TENM4: variants seen among roughly 807,000 people sequenced by gnomAD.
TENM4 encodes the protein teneurin transmembrane protein 4.
TENM4 carries 82 observed loss-of-function variants against 243.3 expected under a neutral mutation model. The observed-to-expected ratio is 0.34, with a 90% CI of 0.28 to 0.40. TENM4 has a LOEUF of 0.40. TENM4 is among the 10% of genes least tolerant of loss of function. TENM4 has a pLI of 1.00. For synonymous variants in TENM4, 1,412 were observed against 1,456.3 expected, an observed-to-expected ratio of 0.97 and a Z score of 0.69; for missense variants, 3,138 against 3,673.3, an observed-to-expected ratio of 0.85 and a Z score of 3.77.
At chr11:78,834,903 C>G (rs1458103868) in intron 12 of TENM4, among the ~76,000 whole-genome samples, 1 of 152,154 alleles carries the variant, frequency 6.6e-6, no homozygotes, top group Non-Finnish European at 1.5e-5. Context: ...CTTTGCTGTA[C>G]CTGGAGGTTT....
chr11:78,901,741 C>A (rs916174640), intron 7 of TENM4, among the ~76,000 whole-genome samples: 2 of 152,126 alleles, frequency 1.3e-5, no homozygotes, highest in African/African-American at 4.8e-5. Context: ...CAGGCTGACA[C>A]ACAATTATCC....
chr11:78,837,053 A>T (rs1298361271), intron 12 of TENM4, among the ~76,000 whole-genome samples: 1 of 152,024 alleles, frequency 6.6e-6, no homozygotes, highest in African/African-American at 2.4e-5. Context: ...CTCTTAGAAA[A>T]TCCTAGCTCT....
chr11:79,144,869 T>C (rs1464556308), intron 4 of TENM4, among the ~76,000 whole-genome samples: 1 of 152,054 alleles, frequency 6.6e-6, no homozygotes, highest in East Asian at 1.9e-4. Context: ...TTTGATAGCA[T>C]AACAGGTTGA....
chr11:78,905,528 C>T (rs1411456452), intron 6 of TENM4, among the ~76,000 whole-genome samples: 5 of 152,168 alleles, frequency 3.3e-5, no homozygotes, highest in Admixed American at 6.5e-5. Context: ...CTCCGGAATC[C>T]GATCCATGTC....
chr11:79,007,724 C>T (rs1048862680), intron 6 of TENM4, among the ~76,000 whole-genome samples: 4 of 152,192 alleles, frequency 2.6e-5, no homozygotes, highest in African/African-American at 9.7e-5. Context: ...CCTTCACAAC[C>T]CCTTTTTCTT....
chr11:78,673,251 G>A (rs1336847165), intron 30 of TENM4, among the ~76,000 whole-genome samples: 1 of 152,176 alleles, frequency 6.6e-6, no homozygotes, highest in Non-Finnish European at 1.5e-5. Flanking sequence ...GCCTGTTTCT[G>A]TATTTGGATC....
At chr11:79,342,438 G>A (rs1448263950) in intron 1 of TENM4, among the ~76,000 whole-genome samples, 2 of 152,222 alleles carry the variant, frequency 1.3e-5, no homozygotes, top group East Asian at 1.9e-4. Flanking sequence ...CAGTGGGCAG[G>A]AGGAGGCGAA....
At chr11:78,826,064 C>G (rs925667443) in intron 12 of TENM4, among the ~76,000 whole-genome samples, 21 of 149,318 alleles carry the variant, frequency 1.4e-4, no homozygotes, top group African/African-American at 5.2e-4. Context: ...AATAGAAAAC[C>G]AAATCCCCCT....
chr11:79,260,638 C>G (rs1309312918), intron 2 of TENM4, among the ~76,000 whole-genome samples: 2 of 152,160 alleles, frequency 1.3e-5, no homozygotes, highest in Non-Finnish European at 2.9e-5. Flanking sequence ...GGTAGAGGGA[C>G]TCAGTGGACT....
At chr11:79,422,110 A>G (rs1858945415) in intron 1 of TENM4, 1 of 154,046 alleles carries the variant, frequency 6.5e-6, no homozygotes, top group Non-Finnish European at 1.5e-5. Flanking sequence ...CTCAGTGCTC[A>G]ACCTTCTGAG....
intron 2 of TENM4, among the ~76,000 whole-genome samples, chr11:79,223,241 G>A (rs1864198679): frequency 6.6e-6 from 1 of 152,110 alleles, no homozygotes; most frequent in African/African-American, 2.4e-5. Context: ...CTAACAAGAA[G>A]CACTGGCAGG....
chr11:78,836,916 G>A lies in TENM4; in HGVS notation c.1681+17188C>T, dbSNP rs1367146367. On this transcript the variant is annotated intron_variant, in intron 12 of 33. Transcript: ENST00000278550. The stretch of plus-strand genomic sequence containing the variant: ...GTAACAGAGCTGACAAAACATACAC[G>A]TGCCCATGTCACCAGGGGCACTTAA... Among the ~76,000 whole-genome samples, 5 of 152,148 alleles carry A rather than the reference G, an allele frequency of 3.3e-5. No individual in the cohort carries two copies. In the South Asian group the frequency reaches 6.2e-4, roughly 19 times the overall value.
chr11:78,705,583 C>G (rs563532593), intron 27 of TENM4, among the ~76,000 whole-genome samples: 1 of 152,212 alleles, frequency 6.6e-6, no homozygotes, highest in Non-Finnish European at 1.5e-5. Context: ...TTCTATGGTT[C>G]CAGTGTGGAA....
chr11:78,888,616 T>C (rs1297817737), intron 9 of TENM4, among the ~76,000 whole-genome samples: 2 of 152,240 alleles, frequency 1.3e-5, no homozygotes, highest in African/African-American at 4.8e-5. Context: ...CCATGTTGTA[T>C]TAATCATTCT....
chr11:79,301,652 G>A (rs951647343), intron 1 of TENM4, among the ~76,000 whole-genome samples: 3 of 152,200 alleles, frequency 2.0e-5, no homozygotes, highest in Non-Finnish European at 4.4e-5. Flanking sequence ...CAAATCTCAC[G>A]TCGAATTGTA....
chr11:79,396,791 G>C (rs1858354648), intron 1 of TENM4, among the ~76,000 whole-genome samples: 1 of 152,172 alleles, frequency 6.6e-6, no homozygotes, highest in South Asian at 2.1e-4. Flanking sequence ...CACTCCATAG[G>C]ACCATTTAGT....
chr11:78,792,446 T>C (rs1591027384), intron 15 of TENM4, among the ~76,000 whole-genome samples: 1 of 152,312 alleles, frequency 6.6e-6, no homozygotes, highest in East Asian at 1.9e-4. Flanking sequence ...TTGATTGAAC[T>C]GTACAGGCCC....
chr11:79,333,308 C>T (rs1052280609), intron 1 of TENM4, among the ~76,000 whole-genome samples: 1 of 152,190 alleles, frequency 6.6e-6, no homozygotes, highest in Admixed American at 6.5e-5. Flanking sequence ...CCAGACACTG[C>T]TCTGGACACT....
chr11:79,151,615 G>A (rs1284821004), intron 3 of TENM4, among the ~76,000 whole-genome samples: 1 of 152,056 alleles, frequency 6.6e-6, no homozygotes, highest in African/African-American at 2.4e-5. Context: ...AACTAGATCT[G>A]TCCAATTTCC....
Sources: gnomAD v4.1 joint callset for allele counts (sites outside exome capture counted in the v4.1 genomes callset) on GRCh38, gnomAD v4.1.1 for gene constraint, MANE v1.5 for transcripts, NCBI Gene and HGNC (gene_info 2026-07-23, HGNC 2026-07-21) for gene names.